The following RAB3C variants were observed in gnomAD, a reference collection of about 807,000 sequenced individuals.
RAB3C encodes the protein RAB3C, member RAS oncogene family.
A neutral mutation model predicts 26.4 loss-of-function variants in RAB3C; 17 were observed. That is an observed-to-expected ratio of 0.64 (90% CI 0.44 to 0.97). RAB3C has a LOEUF of 0.97. Ranked by LOEUF, RAB3C falls within the 50% of genes least tolerant of loss-of-function variation. The pLI, the probability that RAB3C is intolerant of heterozygous loss-of-function variation, is 0.00. For synonymous variants in RAB3C, 91 were observed against 95.9 expected (o/e 0.95, Z 0.30); for missense variants, 242 against 281.9 (o/e 0.86, Z 1.01).
intron 3 of RAB3C, among the ~76,000 whole-genome samples, chr5:58,811,567 G>A (rs1364888561): frequency 2.0e-5 from 3 of 152,078 alleles, no homozygotes; most frequent in Non-Finnish European, 4.4e-5. Context: ...AACAGTCCTC[G>A]ATGAAGTCCA....
intron 2 of RAB3C, among the ~76,000 whole-genome samples, chr5:58,715,988 C>A (rs1201819218): frequency 6.7e-6 from 1 of 149,536 alleles, no homozygotes; most frequent in Non-Finnish European, 1.5e-5. Context: ...ATGTAACTAA[C>A]CTGCACAATG....
At chr5:58,772,486 A>G (rs1742049895) in intron 3 of RAB3C, among the ~76,000 whole-genome samples, 1 of 152,188 alleles carries the variant, frequency 6.6e-6, no homozygotes, top group African/African-American at 2.4e-5. Context: ...CACCACAGTG[A>G]TGCAGCAGCT....
intron 2 of RAB3C, among the ~76,000 whole-genome samples, chr5:58,624,392 G>A (rs1373810689): frequency 2.0e-5 from 3 of 152,190 alleles, no homozygotes; most frequent in Non-Finnish European, 4.4e-5. Context: ...AGCTAACAAA[G>A]CCTGATTTTC....
intron 2 of RAB3C, among the ~76,000 whole-genome samples, chr5:58,719,209 T>C (rs1440814598): frequency 6.6e-6 from 1 of 152,072 alleles, no homozygotes; most frequent in Admixed American, 6.6e-5. Flanking sequence ...TCTGTCCTTC[T>C]AATAGGACAT....
chr5:58,682,548 G>T (rs1375466886), intron 2 of RAB3C, among the ~76,000 whole-genome samples: 1 of 152,064 alleles, frequency 6.6e-6, no homozygotes, highest in Non-Finnish European at 1.5e-5. Flanking sequence ...GCCGGGCGTG[G>T]TGGCGGGCGC....
Position 58,789,460 on chromosome 5 carries a change from C to T in RAB3C, c.372-35578C>T, listed in dbSNP as rs1308946122. 2.6e-5 allele frequency among the ~76,000 whole-genome samples: 4 copies of T among 152,164 alleles called. No homozygotes were observed. The East Asian group carries it at 7.7e-4, about 29-fold the overall frequency. Reference sequence around the variant, plus strand: ...CAGTTATTATCAGTATATTAAACAGCTACAAAATAGCTGGCCCTGTGTTTT... The same window carrying T: ...CAGTTATTATCAGTATATTAAACAGTTACAAAATAGCTGGCCCTGTGTTTT... On this transcript the variant is annotated intron_variant, in intron 3 of 4. Coordinates refer to ENST00000282878, the MANE Select transcript of RAB3C (RefSeq NM_138453.4).
intron 3 of RAB3C, among the ~76,000 whole-genome samples, chr5:58,727,992 A>G (rs1298138312): frequency 1.3e-5 from 2 of 151,856 alleles, no homozygotes; most frequent in Admixed American, 6.6e-5. Context: ...AAACTTTCCA[A>G]CATTTGTGCT....
intron 2 of RAB3C, among the ~76,000 whole-genome samples, chr5:58,625,786 G>A (rs1313023075): frequency 6.6e-6 from 1 of 151,812 alleles, no homozygotes; most frequent in East Asian, 1.9e-4. Context: ...GAACCTGGGA[G>A]GTGGAGGTTG....
intron 3 of RAB3C, among the ~76,000 whole-genome samples, chr5:58,809,683 G>GC (rs992168140): frequency 1.0e-3 from 152 of 152,052 alleles, no homozygotes; most frequent in African/African-American, 3.4e-3. Flanking sequence ...TCATGTGGGT[G>GC]CCCCCCTGAC....
intron 2 of RAB3C, among the ~76,000 whole-genome samples, chr5:58,659,183 T>C (rs1747844342): frequency 6.6e-6 from 1 of 152,262 alleles, no homozygotes; most frequent in Admixed American, 6.5e-5. Flanking sequence ...TTGAGATATA[T>C]ACATATGCCC....
intron 2 of RAB3C, among the ~76,000 whole-genome samples, chr5:58,702,888 G>C (rs966035894): frequency 2.6e-5 from 4 of 152,108 alleles, no homozygotes; most frequent in African/African-American, 9.7e-5. Flanking sequence ...AACAGAAATA[G>C]GTTCATGCTG....
chr5:58,609,250 G>A (rs1746640798), intron 1 of RAB3C, among the ~76,000 whole-genome samples: 1 of 152,098 alleles, frequency 6.6e-6, no homozygotes, highest in Non-Finnish European at 1.5e-5. Flanking sequence ...ACCAGTCAGA[G>A]AGAAAAATTC....
intron 3 of RAB3C, among the ~76,000 whole-genome samples, chr5:58,742,306 G>A (rs763559544): frequency 5.9e-5 from 9 of 152,114 alleles, no homozygotes; most frequent in African/African-American, 1.9e-4. Flanking sequence ...TGACAGGGTC[G>A]TTTTTATATA....
intron 2 of RAB3C, among the ~76,000 whole-genome samples, chr5:58,646,185 A>G (rs1747513226): frequency 6.6e-6 from 1 of 152,124 alleles, no homozygotes; most frequent in South Asian, 2.1e-4. Context: ...CCCAAGGCTG[A>G]GTTAGGGGCC....
intron 3 of RAB3C, among the ~76,000 whole-genome samples, chr5:58,796,588 A>G (rs1742654875): frequency 1.3e-5 from 2 of 152,216 alleles, no homozygotes; most frequent in South Asian, 4.1e-4. Context: ...AAGTGTTGGC[A>G]GGAATATAAA....
At chr5:58,738,005 A>T (rs1011542210) in intron 3 of RAB3C, among the ~76,000 whole-genome samples, 1 of 152,120 alleles carries the variant, frequency 6.6e-6, no homozygotes, top group Admixed American at 6.5e-5. Context: ...TATTTTTTGG[A>T]TGGGGGTATA....
chr5:58,617,851 G>T lies in RAB3C; in HGVS notation c.233G>T (p.Arg78Ile), dbSNP rs1391124079. ...KVKTVFKNEK[R>I]IKLQIWDTAG... ...AAAACTGTATTCAAAAATGAAAAGA[G>T]AATCAAGCTTCAGATTTGGGTAAGT... Residue 78 changes from arginine (R) to isoleucine (I), a missense_variant, in exon 2 of 5, where the codon AGA becomes ATA. By Grantham distance (97) the Arg-to-Ile change is moderately conservative. Coordinates refer to ENST00000282878, the MANE Select transcript of RAB3C (RefSeq NM_138453.4). 1.2e-6 allele frequency: 2 copies of T among 1,610,098 alleles called. No homozygotes were observed. Among genetic ancestry groups the T allele is most frequent in the Non-Finnish European group, 1.7e-6 (2 of 1,177,322 alleles).
chr5:58,776,048 C>T (rs1742133642), intron 3 of RAB3C, among the ~76,000 whole-genome samples: 1 of 152,076 alleles, frequency 6.6e-6, no homozygotes, highest in South Asian at 2.1e-4. Flanking sequence ...TTTTCTTCTG[C>T]TCACTCCACC....
At chr5:58,657,171 G>T (rs2111798697) in intron 2 of RAB3C, among the ~76,000 whole-genome samples, 1 of 152,248 alleles carries the variant, frequency 6.6e-6, no homozygotes, top group East Asian at 1.9e-4. Flanking sequence ...ACTGATATGT[G>T]TGAGCTAAGC....
Sources: gnomAD v4.1 joint callset for allele counts (sites outside exome capture counted in the v4.1 genomes callset) on GRCh38, gnomAD v4.1.1 for gene constraint, MANE v1.5 for transcripts, NCBI Gene and HGNC (gene_info 2026-07-23, HGNC 2026-07-21) for gene names.